CAMK2D: variants seen among roughly 807,000 people sequenced by gnomAD.
CAMK2D encodes calcium/calmodulin dependent protein kinase II delta, also known as calcium/calmodulin-dependent protein kinase type II subunit delta.
In CAMK2D, 37 loss-of-function variants were observed where a neutral mutation model predicts 84.0. That is an observed-to-expected ratio of 0.44 (90% CI 0.34 to 0.58). CAMK2D has a LOEUF of 0.58. Among genes scored for constraint, CAMK2D ranks in the 20% least tolerant of loss-of-function variants. The pLI is 0.02. For missense variants in CAMK2D, 448 were observed against 652.5 expected (o/e 0.69, Z 3.41); for synonymous variants, 202 against 212.5 (o/e 0.95, Z 0.43).
rs2099640610 is a variant in CAMK2D, at chr4:113,761,140, G to C, written c.-72C>G. 6 of 1,607,784 alleles carry C rather than the reference G, an allele frequency of 3.7e-6. No individual in the cohort carries two copies. The highest frequency in any genetic ancestry group is 4.2e-6 in the Non-Finnish European group (5 of 1,179,296). On this transcript the variant is annotated 5_prime_UTR_variant, in exon 1 of 21. Transcript: ENST00000511664. Reference sequence around the variant, plus strand: ...CGAGCAGACGCGCGGCTAACCCCGGGACTGGCCCCGCGGCGCTGTCACCCA... The same window carrying C: ...CGAGCAGACGCGCGGCTAACCCCGGCACTGGCCCCGCGGCGCTGTCACCCA...
chr4:113,753,169 T>C (rs1274670021), intron 2 of CAMK2D, among the ~76,000 whole-genome samples: 1 of 152,054 alleles, frequency 6.6e-6, no homozygotes, highest in Non-Finnish European at 1.5e-5. Flanking sequence ...ATGGACATAA[T>C]ATTGTTCTAG....
At chr4:113,574,209 C>G (rs2098769018) in intron 4 of CAMK2D, among the ~76,000 whole-genome samples, 2 of 152,154 alleles carry the variant, frequency 1.3e-5, no homozygotes, top group African/African-American at 4.8e-5. Context: ...TTCCCTATCC[C>G]ACAGAGTTCA....
intron 2 of CAMK2D, among the ~76,000 whole-genome samples, chr4:113,749,724 A>G (rs1286386346): frequency 2.0e-5 from 3 of 152,228 alleles, no homozygotes; most frequent in African/African-American, 7.2e-5. Flanking sequence ...TTTATAATAC[A>G]TGGTTTAAAA....
chr4:113,591,859 T>C lies in CAMK2D; in HGVS notation c.275+17293A>G, dbSNP rs139953821. ...TACTCAATGTAGAGTCTTCTGTGTC[T>C]TCCCATTCCCCAGCTCATTAGACAC... On this transcript the variant is annotated intron_variant, in intron 4 of 20. Coordinates refer to ENST00000511664, the MANE Select transcript of CAMK2D (RefSeq NM_001321571.2). 1.3e-3 allele frequency among the ~76,000 whole-genome samples: 195 copies of C among 152,302 alleles called. 2 individuals are homozygous for C. Among genetic ancestry groups the C allele is most frequent in the African/African-American group, 4.5e-3 (189 of 41,572 alleles).
At chr4:113,605,808 G>C (rs143966158) in intron 4 of CAMK2D, among the ~76,000 whole-genome samples, 2 of 152,294 alleles carry the variant, frequency 1.3e-5, no homozygotes, top group African/African-American at 4.8e-5. Flanking sequence ...CCATCAGTCA[G>C]TAATAAGATG....
chr4:113,732,565 G>T (rs1165034862), intron 2 of CAMK2D, among the ~76,000 whole-genome samples: 2 of 152,066 alleles, frequency 1.3e-5, no homozygotes, highest in African/African-American at 4.8e-5. Context: ...ATTCACTATG[G>T]TATCAATTAC....
rs75843452 is a variant in CAMK2D, at chr4:113,516,788, A to C, written c.696+775T>G. 5.2e-3 allele frequency among the ~76,000 whole-genome samples: 793 copies of C among 152,242 alleles called. 7 individuals are homozygous for C. Among genetic ancestry groups the C allele is most frequent in the African/African-American group, 0.018 (740 of 41,542 alleles). On this transcript the variant is annotated intron_variant, in intron 9 of 20. Transcript: ENST00000511664. Reference sequence around the variant, plus strand: ...CTCTGTAGTTACTCTACTTAATAACACATGGAAAGCATGCCCAGACCCTGC... The same window carrying C: ...CTCTGTAGTTACTCTACTTAATAACCCATGGAAAGCATGCCCAGACCCTGC...
intron 4 of CAMK2D, among the ~76,000 whole-genome samples, chr4:113,573,901 C>A (rs2098767022): frequency 6.6e-6 from 1 of 152,092 alleles, no homozygotes; most frequent in Non-Finnish European, 1.5e-5. Context: ...TTCTCATCTG[C>A]CCATAAGTGA....
At chr4:113,633,243 G>T (rs2099097281) in intron 3 of CAMK2D, among the ~76,000 whole-genome samples, 1 of 152,108 alleles carries the variant, frequency 6.6e-6, no homozygotes, top group South Asian at 2.1e-4. Context: ...CCATTTTTAT[G>T]CACAATAACC....
chr4:113,587,006 T>C (rs757243004), intron 4 of CAMK2D, among the ~76,000 whole-genome samples: 12 of 152,188 alleles, frequency 7.9e-5, no homozygotes, highest in Admixed American at 2.0e-4. Context: ...AAGCACATAA[T>C]ACCCCATCAT....
intron 3 of CAMK2D, among the ~76,000 whole-genome samples, chr4:113,619,597 G>C (rs2099036475): frequency 1.3e-5 from 2 of 152,162 alleles, no homozygotes; most frequent in African/African-American, 4.8e-5. Flanking sequence ...CTGTCTCAGA[G>C]CCTTTGCACT....
intron 4 of CAMK2D, among the ~76,000 whole-genome samples, chr4:113,589,621 G>A (rs931280061): frequency 5.9e-5 from 9 of 152,146 alleles, no homozygotes; most frequent in African/African-American, 2.2e-4. Context: ...TTGCCACTAA[G>A]AGGAGTAACT....
intron 17 of CAMK2D, among the ~76,000 whole-genome samples, chr4:113,464,358 T>C (rs959437576): frequency 2.0e-5 from 3 of 152,274 alleles, no homozygotes; most frequent in African/African-American, 4.8e-5. Context: ...TAAATTTTGA[T>C]ATATGTTTTG....
intron 2 of CAMK2D, among the ~76,000 whole-genome samples, chr4:113,750,204 GA>G (rs982199504): frequency 6.6e-6 from 1 of 152,172 alleles, no homozygotes; most frequent in East Asian, 1.9e-4. Flanking sequence ...TCTGGCTAGA[GA>G]AAGTAAGGAG....
intron 15 of CAMK2D, among the ~76,000 whole-genome samples, chr4:113,502,007 T>C (rs956487390): frequency 1.3e-5 from 2 of 152,132 alleles, no homozygotes; most frequent in Admixed American, 6.5e-5. Context: ...AGAGAGGAAA[T>C]GTGTTTTCTG....
chr4:113,477,683 T>C (rs1414144090), intron 16 of CAMK2D, among the ~76,000 whole-genome samples: 1 of 149,856 alleles, frequency 6.7e-6, no homozygotes, highest in Non-Finnish European at 1.5e-5. Flanking sequence ...GTGGTGGAGG[T>C]TGAAGTGAGC....
In CAMK2D at chr4:113,537,346, C is replaced by A; in HGVS notation, c.512G>T (p.Trp171Leu). The A allele has an allele frequency of 6.3e-7, 1 of 1,593,118 alleles. No homozygotes were observed. The highest frequency in any genetic ancestry group is 8.6e-7 in the Non-Finnish European group (1 of 1,161,296). ...AAGGAGGGGGCCCTACTCACCAAAC[C>A]ACGCCTGCTGGTCCCCTTGAACTTC... ...AIEVQGDQQA[W>L]FGFAGTPGYL... Residue 171 changes from tryptophan (W) to leucine (L), a missense_variant, in exon 7 of 21, where the codon TGG becomes TTG. Transcript: ENST00000511664.
chr4:113,612,609 T>C (rs978903146), intron 3 of CAMK2D, among the ~76,000 whole-genome samples: 6 of 152,190 alleles, frequency 3.9e-5, no homozygotes, highest in African/African-American at 1.4e-4. Context: ...GTTGTCCCTA[T>C]GACGTTTTTA....
chr4:113,503,813 TG>T (rs1420475809), intron 14 of CAMK2D, among the ~76,000 whole-genome samples: 8 of 152,276 alleles, frequency 5.3e-5, no homozygotes, highest in East Asian at 3.9e-4. Context: ...AAATAACTGA[TG>T]TAAAAAAAGA....
Sources: gnomAD v4.1 joint callset for allele counts (sites outside exome capture counted in the v4.1 genomes callset) on GRCh38, gnomAD v4.1.1 for gene constraint, MANE v1.5 for transcripts, NCBI Gene and HGNC (gene_info 2026-07-23, HGNC 2026-07-21) for gene names.